Variants in ABCC5 observed in about 807,000 individuals in gnomAD.
ABCC5 encodes the protein ATP binding cassette subfamily C member 5.
ABCC5 carries 61 observed loss-of-function variants against 160.9 expected under a neutral mutation model. The ratio of observed to expected loss-of-function variants is 0.38; its 90% CI spans 0.31 to 0.47. ABCC5 has a LOEUF of 0.47. ABCC5 is among the 20% of genes least tolerant of loss of function. The pLI is 0.99. For synonymous variants in ABCC5, 666 were observed against 700.6 expected (o/e 0.95, Z 0.78); for missense variants, 1,308 against 1,813.3 (o/e 0.72, Z 5.06).
rs116946045 is a variant in ABCC5, at chr3:183,974,160, C to T, written c.1405-2241G>A. Among the ~76,000 whole-genome samples, 63 of 152,296 alleles carry T rather than the reference C, an allele frequency of 4.1e-4. No homozygotes were observed. The East Asian group carries it at 0.012, about 29-fold the overall frequency. On this transcript the variant is annotated intron_variant, in intron 10 of 29. Transcript: ENST00000334444. ...CCATATAAACCTATAAACCATAAGC[C>T]TCAACTTTATCACAGGACACTGACC...
intron 2 of ABCC5, among the ~76,000 whole-genome samples, chr3:183,990,025 G>T (rs965808884): frequency 5.9e-5 from 9 of 151,992 alleles, no homozygotes; most frequent in Non-Finnish European, 1.3e-4. Context: ...GGCTGGTTTC[G>T]AACTCCTGAC....
In ABCC5 at chr3:183,925,859, G is replaced by C; in HGVS notation, c.4048-140C>G. ...TTCTTTCTTTTTTTTTTTTTTTTGA[G>C]ACGGAGTCTTGCTCTGTCGCCCAGG... is the stretch of plus-strand genomic sequence containing the variant. On this transcript the variant is annotated intron_variant, in intron 28 of 29. Transcript: ENST00000334444. The C allele has an allele frequency of 4.7e-6, 4 of 842,654 alleles. No homozygotes were observed. In the South Asian group the frequency reaches 7.7e-5, roughly 16 times the overall value. The allele number at this position is 842,654 out of a possible 1,614,324, so 52.2% of individuals were successfully genotyped here. A position where few individuals can be genotyped will look rare whatever the true frequency, so the allele number is the denominator to read the frequency against.
At chr3:183,985,737 T>C (rs1576900320) in intron 5 of ABCC5, 7 of 339,816 alleles carry the variant, frequency 2.1e-5, no homozygotes, top group South Asian at 1.0e-4. Flanking sequence ...GAGATTCTGG[T>C]ACTCCATTAA....
In ABCC5 at chr3:183,953,279, G is replaced by A. The variant is rs1415059418; in HGVS notation, c.2483-9C>T. 2 of 1,578,772 alleles carry A rather than the reference G, an allele frequency of 1.3e-6. No individual in the cohort carries two copies. The highest frequency in any genetic ancestry group is 1.2e-5 in the South Asian group (1 of 86,304). ...CAGCTGCACAAGCTGCCCTAGGTAA[G>A]AAAAAAAGAAACATGGACTCAGAAG... On this transcript the variant is annotated splice_polypyrimidine_tract_variant and intron_variant, in intron 17 of 29. Transcript: ENST00000334444.
rs1169918679 is a variant in ABCC5, at chr3:183,947,628, T to C, written c.3228-118A>G. The stretch of plus-strand genomic sequence containing the variant: ...TATTTAAATACTTCCTGTTTCTAAC[T>C]GAGAGAATGCCCTGGAAACTCCAGG... On this transcript the variant is annotated intron_variant, in intron 22 of 29. Coordinates refer to ENST00000334444, the MANE Select transcript of ABCC5 (RefSeq NM_005688.4). 4 of 829,898 alleles carry C rather than the reference T, an allele frequency of 4.8e-6. No individual in the cohort carries two copies. The East Asian group carries it at 1.1e-4, about 24-fold the overall frequency. 51.4% of individuals were successfully genotyped at this position (829,898 alleles called of 1,614,324 possible). A position where few individuals can be genotyped will look rare whatever the true frequency, so the allele number is the denominator to read the frequency against.
At chr3:183,953,340 G>A (rs935627749) in intron 17 of ABCC5, 70 bp from the exon 18 acceptor site, 3 of 1,430,196 alleles carry the variant, frequency 2.1e-6, no homozygotes, top group African/African-American at 2.9e-5. Context: ...GTCACCTGCA[G>A]AGCAACAGAA....
intron 12 of ABCC5, 46 bp downstream of exon 12, chr3:183,967,649 G>A (rs762385338): frequency 6.6e-5 from 101 of 1,537,190 alleles, no homozygotes; most frequent in Non-Finnish European, 8.1e-5. Flanking sequence ...TGAGACTCTT[G>A]CAAACCAGAG....
In ABCC5 at chr3:183,992,695, A is replaced by G. The variant is rs1719879402; in HGVS notation, c.130-3312T>C. On this transcript the variant is annotated intron_variant, in intron 2 of 29. Transcript: ENST00000334444. The stretch of plus-strand genomic sequence containing the variant: ...TCCCAGCTACTCGGGAGGCTGAAGC[A>G]GGAGAACGGTGTGAACCTGGGAGGC... Among the ~76,000 whole-genome samples the G allele has an allele frequency of 3.3e-5, 5 of 152,302 alleles. No homozygotes were observed. In the South Asian group the frequency reaches 1.0e-3, roughly 32 times the overall value.
intron 25 of ABCC5, among the ~76,000 whole-genome samples, chr3:183,942,025 T>C (rs1049362105): frequency 2.0e-5 from 3 of 151,216 alleles, no homozygotes; most frequent in African/African-American, 7.3e-5. Context: ...ATCTAAAGGA[T>C]CTACAGTTAC....
chr3:184,014,325 C>G lies in ABCC5; in HGVS notation c.68G>C (p.Arg23Thr). The G allele has an allele frequency of 5.0e-6, 8 of 1,613,988 alleles. No individual in the cohort carries two copies. Among genetic ancestry groups the G allele is most frequent in the Admixed American group, 1.7e-5 (1 of 60,000 alleles). ...PSPGYRSVRERTSTSGTHRDR... is the reference protein window; with the variant it reads ...PSPGYRSVRETTSTSGTHRDR... ...TCTGTGCGTCCCAGAAGTGCTGGTT[C>G]TCTCCCTCACACTTCTATACCCAGG... The change falls in exon 2 of 30, where the codon AGA (arginine) becomes ACA (threonine). Residue 23 changes from arginine to threonine, a missense_variant. Transcript: ENST00000334444.
intron 10 of ABCC5, among the ~76,000 whole-genome samples, chr3:183,976,119 G>C (rs78957012): frequency 2.0e-5 from 3 of 147,146 alleles, no homozygotes; most frequent in Non-Finnish European, 4.5e-5. Flanking sequence ...AAGTGGCCAC[G>C]TTGGGGTGGG....
At chr3:183,986,783 CACA>C (rs1403647098) in intron 5 of ABCC5, 1 of 152,106 alleles carries the variant, frequency 6.6e-6, no homozygotes, top group African/African-American at 2.4e-5. Context: ...AATTACATAA[CACA>C]ACATTTCAGT....
intron 5 of ABCC5, chr3:183,983,393 T>C: frequency 4.2e-6 from 1 of 240,162 alleles, no homozygotes; most frequent in Non-Finnish European, 8.3e-6. Context: ...TTTTGGATCG[T>C]TTCAAACGTG....
intron 17 of ABCC5, among the ~76,000 whole-genome samples, chr3:183,958,697 G>A (rs1303249591): frequency 1.3e-5 from 2 of 151,868 alleles, no homozygotes; most frequent in Non-Finnish European, 1.5e-5. Flanking sequence ...CCCCAGGCTG[G>A]AGCGCAGTGG....
intron 26 of ABCC5, among the ~76,000 whole-genome samples, chr3:183,931,787 A>G (rs1713205776): frequency 1.3e-5 from 2 of 152,268 alleles, no homozygotes; most frequent in African/African-American, 2.4e-5. Flanking sequence ...AGGGAGCTCA[A>G]TCAGGAATGG....
In ABCC5 at chr3:183,978,721, CAA is replaced by C. The variant is rs2108847902; in HGVS notation, c.1148-72_1148-71del. 4 of 1,549,516 alleles carry C rather than the reference CAA, an allele frequency of 2.6e-6. No homozygotes were observed. In the South Asian group the frequency reaches 4.8e-5, roughly 19 times the overall value. The stretch of plus-strand genomic sequence containing the variant: ...CCTAGGGATGTTGTTCCTCCACCTC[CAA>C]ACAAGACTCTGTAGGTCTCCAGCCA... On this transcript the variant is annotated intron_variant, in intron 8 of 29. Transcript: ENST00000334444.
In ABCC5 at chr3:184,012,242, T is replaced by G. The variant is rs749346356; in HGVS notation, c.129+2022A>C. On this transcript the variant is annotated intron_variant, in intron 2 of 29. Transcript: ENST00000334444. ...CTACAGTTAGCTCAAAATAAAAAGG[T>G]TTTTTTTTTTAATCTCATTAACTTC... 9.8e-4 allele frequency among the ~76,000 whole-genome samples: 124 copies of G among 127,068 alleles called. 1 individual carries two copies. Among genetic ancestry groups the G allele is most frequent in the Non-Finnish European group, 1.5e-3 (84 of 57,204 alleles). The allele number at this position is 127,068 out of a possible 152,430, so 83.4% of individuals were successfully genotyped here. A position where few individuals can be genotyped will look rare whatever the true frequency, so the allele number is the denominator to read the frequency against.
intron 2 of ABCC5, among the ~76,000 whole-genome samples, chr3:183,995,166 C>T (rs1469747392): frequency 6.6e-6 from 1 of 151,908 alleles, no homozygotes; most frequent in Non-Finnish European, 1.5e-5. Flanking sequence ...TTGAGTTTAG[C>T]AAGTTCCTTA....
At chr3:183,940,740 G>C (rs142997142) in intron 25 of ABCC5, among the ~76,000 whole-genome samples, 1 of 152,252 alleles carries the variant, frequency 6.6e-6, no homozygotes, top group East Asian at 1.9e-4. Context: ...GGTAAGAAAG[G>C]CAGTGAAGTC....
Sources: gnomAD v4.1 joint callset for allele counts (sites outside exome capture counted in the v4.1 genomes callset) on GRCh38, gnomAD v4.1.1 for gene constraint, MANE v1.5 for transcripts, NCBI Gene and HGNC (gene_info 2026-07-23, HGNC 2026-07-21) for gene names.